Variants in ALCAM observed in about 807,000 individuals in gnomAD.
The protein encoded by ALCAM is activated leukocyte cell adhesion molecule.
In ALCAM, 30 loss-of-function variants were observed where a neutral mutation model predicts 70.9. The observed-to-expected ratio is 0.42, with a 90% CI of 0.32 to 0.57. The LOEUF (loss-of-function observed/expected upper bound fraction) is 0.57, where lower values mean the gene tolerates loss of function less well. Among genes scored for constraint, ALCAM ranks in the 20% least tolerant of loss-of-function variants. The pLI, the probability that ALCAM is intolerant of heterozygous loss-of-function variation, is 0.11. For missense variants in ALCAM, 591 were observed against 695.1 expected (o/e 0.85, Z 1.68); for synonymous variants, 249 against 242.5 (o/e 1.03, Z -0.25).
At position 105,380,658 on chromosome 3, in the gene ALCAM, T is replaced by A. The variant is rs149448862; in HGVS notation, c.73+13177T>A. Among the ~76,000 whole-genome samples the A allele has an allele frequency of 6.6e-4, 101 of 152,072 alleles. No homozygotes were observed. The East Asian group carries it at 0.017, about 25-fold the overall frequency. The stretch of plus-strand genomic sequence containing the variant: ...CTCATTTTTAAATTTGAAATGGAAA[T>A]GATTTTATTACATTCTATAGAAAAT... On this transcript the variant is annotated intron_variant, in intron 1 of 15. Coordinates refer to ENST00000306107, the MANE Select transcript of ALCAM (RefSeq NM_001627.4).
chr3:105,375,930 G>A (rs1935364563), intron 1 of ALCAM, among the ~76,000 whole-genome samples: 1 of 152,284 alleles, frequency 6.6e-6, no homozygotes, highest in East Asian at 1.9e-4. Flanking sequence ...CTTTGACCCT[G>A]TATTAACAAT....
At chr3:105,419,734 G>C (rs1936597519) in intron 1 of ALCAM, among the ~76,000 whole-genome samples, 1 of 151,862 alleles carries the variant, frequency 6.6e-6, no homozygotes. Context: ...TGAAGTAGCT[G>C]CTGCTTATCT....
chr3:105,469,236 G>T (rs1453331088), intron 1 of ALCAM, among the ~76,000 whole-genome samples: 1 of 151,262 alleles, frequency 6.6e-6, no homozygotes, highest in African/African-American at 2.4e-5. Context: ...GACCACTGCG[G>T]TAGGCAGCAG....
chr3:105,555,700 G>A (rs1559655369), intron 14 of ALCAM, among the ~76,000 whole-genome samples: 1 of 151,812 alleles, frequency 6.6e-6, no homozygotes, highest in Non-Finnish European at 1.5e-5. Flanking sequence ...TATTTAGCCA[G>A]CATTCACTCC....
intron 1 of ALCAM, among the ~76,000 whole-genome samples, chr3:105,456,011 G>A (rs1305565517): frequency 2.0e-5 from 3 of 152,172 alleles, no homozygotes; most frequent in South Asian, 4.1e-4. Flanking sequence ...CCTGGGAGGC[G>A]AAGGTTGCAG....
intron 1 of ALCAM, 103 bp downstream of exon 1, chr3:105,367,584 G>T (rs1294842548): frequency 5.1e-6 from 7 of 1,377,850 alleles, no homozygotes; most frequent in Non-Finnish European, 7.1e-6. Context: ...GCCCAGGCGC[G>T]TGGTGGAGGT....
chr3:105,476,819 A>G (rs1056259126), intron 1 of ALCAM, among the ~76,000 whole-genome samples: 1 of 152,052 alleles, frequency 6.6e-6, no homozygotes, highest in African/African-American at 2.4e-5. Flanking sequence ...AAATGTTGAT[A>G]TGGTTTGGCT....
At chr3:105,369,727 C>G (rs1935177813) in intron 1 of ALCAM, among the ~76,000 whole-genome samples, 1 of 152,068 alleles carries the variant, frequency 6.6e-6, no homozygotes. Context: ...AGTGTATGTC[C>G]AGTTGTAGAG....
chr3:105,397,795 G>T (rs1238515391), intron 1 of ALCAM, among the ~76,000 whole-genome samples: 1 of 152,002 alleles, frequency 6.6e-6, no homozygotes, highest in East Asian at 1.9e-4. Context: ...TTGAACTTCT[G>T]TTTGATAAAT....
chr3:105,527,996 A>G (rs1250290203), intron 3 of ALCAM, among the ~76,000 whole-genome samples: 4 of 152,204 alleles, frequency 2.6e-5, no homozygotes, highest in Non-Finnish European at 5.9e-5. Context: ...ATTTAAATAT[A>G]AAAGATACCT....
intron 1 of ALCAM, among the ~76,000 whole-genome samples, chr3:105,450,983 G>A (rs926575766): frequency 4.6e-5 from 7 of 151,804 alleles, no homozygotes; most frequent in Non-Finnish European, 1.0e-4. Flanking sequence ...ATGGGGAAGA[G>A]AAAAAGTACA....
intron 4 of ALCAM, 65 bp from the exon 5 acceptor site, chr3:105,533,538 T>G: frequency 2.8e-6 from 4 of 1,432,838 alleles, no homozygotes; most frequent in Admixed American, 1.7e-5. Flanking sequence ...CCTGAGTTTC[T>G]GGAGTTTCCA....
intron 1 of ALCAM, among the ~76,000 whole-genome samples, chr3:105,466,351 A>G (rs1201177573): frequency 6.6e-6 from 1 of 151,500 alleles, no homozygotes; most frequent in Admixed American, 6.6e-5. Flanking sequence ...TTCAGCAATC[A>G]GGGACAAGAG....
At chr3:105,418,922 C>T (rs934856) in intron 1 of ALCAM, among the ~76,000 whole-genome samples, 104,424 of 151,422 alleles carry the variant, frequency 0.69, 36,318 homozygotes, top group East Asian at 0.93. Context: ...TCATTTCTAC[C>T]ATTTTCTTTC....
intron 1 of ALCAM, among the ~76,000 whole-genome samples, chr3:105,485,555 C>T (rs1036941296): frequency 6.6e-6 from 1 of 151,850 alleles, no homozygotes; most frequent in African/African-American, 2.4e-5. Context: ...TAAGTGGAAA[C>T]GTTTGATCAA....
intron 1 of ALCAM, among the ~76,000 whole-genome samples, chr3:105,453,329 G>C (rs1937480752): frequency 6.6e-6 from 1 of 152,038 alleles, no homozygotes; most frequent in Non-Finnish European, 1.5e-5. Flanking sequence ...TCCAATAGGA[G>C]ATCCTTTCCC....
chr3:105,421,323 T>C (rs934781275), intron 1 of ALCAM, among the ~76,000 whole-genome samples: 7 of 151,372 alleles, frequency 4.6e-5, no homozygotes, highest in Non-Finnish European at 3.0e-5. Flanking sequence ...AAAAGGAGAA[T>C]TGTGTTTGTG....
intron 1 of ALCAM, among the ~76,000 whole-genome samples, chr3:105,478,755 T>C (rs1033038453): frequency 2.6e-5 from 4 of 152,162 alleles, no homozygotes; most frequent in African/African-American, 9.6e-5. Context: ...TTTGTATACA[T>C]TTATAATACT....
Position 105,424,778 on chromosome 3 carries a change from A to T in ALCAM, c.73+57297A>T, listed in dbSNP as rs541801318. Among the ~76,000 whole-genome samples the T allele has an allele frequency of 2.4e-4, 37 of 151,884 alleles. No individual in the cohort carries two copies. The South Asian group carries it at 4.1e-3, about 17-fold the overall frequency. ...GACTAAAATGGTGTCGGTTAATAAA[A>T]CCATGTCCAGAAAACCATAGATATT... is the stretch of plus-strand genomic sequence containing the variant. On this transcript the variant is annotated intron_variant, in intron 1 of 15. Transcript: ENST00000306107.
Sources: gnomAD v4.1 joint callset for allele counts (sites outside exome capture counted in the v4.1 genomes callset) on GRCh38, gnomAD v4.1.1 for gene constraint, MANE v1.5 for transcripts, NCBI Gene and HGNC (gene_info 2026-07-23, HGNC 2026-07-21) for gene names.